The following PTPRD variants were observed in gnomAD, a reference collection of about 807,000 sequenced individuals.
The protein encoded by PTPRD is receptor-type tyrosine-protein phosphatase delta.
PTPRD carries 34 observed loss-of-function variants against 214.5 expected under a neutral mutation model. That is an observed-to-expected ratio of 0.16 (90% CI 0.12 to 0.21). PTPRD has a LOEUF of 0.21. PTPRD is among the 10% of genes least tolerant of loss of function. The pLI is 1.00. For missense variants in PTPRD, 2,545 were observed against 2,398.7 expected (o/e 1.06, Z -1.27); for synonymous variants, 1,128 against 845.7 (o/e 1.33, Z -5.79).
intron 7 of PTPRD, among the ~76,000 whole-genome samples, chr9:9,707,784 T>C (rs374372470): frequency 1.3e-5 from 2 of 152,122 alleles, no homozygotes; most frequent in African/African-American, 4.8e-5. Flanking sequence ...CACTATTCTA[T>C]TGGCCTGCAT....
intron 7 of PTPRD, among the ~76,000 whole-genome samples, chr9:9,733,440 T>C (rs1019057053): frequency 6.6e-6 from 1 of 152,208 alleles, no homozygotes; most frequent in Admixed American, 6.5e-5. Flanking sequence ...TTGTTCAACA[T>C]GACAGTTTAC....
At chr9:8,995,982 C>T (rs1028884034) in intron 11 of PTPRD, among the ~76,000 whole-genome samples, 12 of 152,122 alleles carry the variant, frequency 7.9e-5, no homozygotes, top group African/African-American at 2.9e-4. Flanking sequence ...AATGGAATGA[C>T]TGAACCATAA....
At chr9:10,208,349 C>G (rs1256739087) in intron 3 of PTPRD, among the ~76,000 whole-genome samples, 1 of 152,078 alleles carries the variant, frequency 6.6e-6, no homozygotes, top group Non-Finnish European at 1.5e-5. Flanking sequence ...CCCGTCTCTA[C>G]TAAAAATACA....
At chr9:9,031,835 T>C (rs2099606476) in intron 10 of PTPRD, among the ~76,000 whole-genome samples, 1 of 152,022 alleles carries the variant, frequency 6.6e-6, no homozygotes, top group South Asian at 2.1e-4. Context: ...CACGGCTTCC[T>C]GGACGTGCTG....
At chr9:10,002,505 A>C (rs2096350522) in intron 4 of PTPRD, among the ~76,000 whole-genome samples, 1 of 151,156 alleles carries the variant, frequency 6.6e-6, no homozygotes, top group South Asian at 2.1e-4. Context: ...ACATGTCATG[A>C]AAACTGTTAC....
intron 11 of PTPRD, among the ~76,000 whole-genome samples, chr9:8,962,349 G>A (rs375982566): frequency 1.3e-5 from 2 of 152,114 alleles, no homozygotes; most frequent in Non-Finnish European, 2.9e-5. Context: ...ACATGATTCA[G>A]AGAGGCTAAT....
intron 5 of PTPRD, among the ~76,000 whole-genome samples, chr9:9,927,644 A>G (rs1046253448): frequency 1.3e-5 from 2 of 152,156 alleles, no homozygotes; most frequent in African/African-American, 4.8e-5. Flanking sequence ...TAGTATCTAA[A>G]TACACCGTGC....
chr9:10,329,480 G>T (rs577634408), intron 3 of PTPRD, among the ~76,000 whole-genome samples: 1 of 151,826 alleles, frequency 6.6e-6, no homozygotes, highest in Non-Finnish European at 1.5e-5. Flanking sequence ...GTAAAATCAT[G>T]AAGTCTGTTC....
At chr9:8,647,131 A>G (rs1391478517) in intron 12 of PTPRD, among the ~76,000 whole-genome samples, 1 of 152,224 alleles carries the variant, frequency 6.6e-6, no homozygotes. Context: ...GTATCATCAT[A>G]GGACTGAAGT....
intron 12 of PTPRD, among the ~76,000 whole-genome samples, chr9:8,697,443 G>C (rs1322624050): frequency 2.9e-5 from 2 of 70,032 alleles, no homozygotes; most frequent in African/African-American, 6.4e-5. Context: ...TTTTTTTTGA[G>C]ACAGAATTTT....
chr9:8,574,902 G>A (rs1392308490), intron 14 of PTPRD, among the ~76,000 whole-genome samples: 1 of 151,998 alleles, frequency 6.6e-6, no homozygotes, highest in Non-Finnish European at 1.5e-5. Context: ...GGAAGAATAT[G>A]CATGCCCAAG....
chr9:9,257,457 A>T (rs1011311030), intron 9 of PTPRD, among the ~76,000 whole-genome samples: 8 of 151,926 alleles, frequency 5.3e-5, no homozygotes, highest in Non-Finnish European at 8.8e-5. Context: ...AGAAATTTAA[A>T]AACAGAAAGC....
intron 8 of PTPRD, among the ~76,000 whole-genome samples, chr9:9,505,904 C>A (rs2096559457): frequency 6.6e-6 from 1 of 151,288 alleles, no homozygotes; most frequent in Non-Finnish European, 1.5e-5. Context: ...GGACAATCAC[C>A]AATAAACATC....
At chr9:8,358,349 G>A (rs2077491209) in intron 39 of PTPRD, among the ~76,000 whole-genome samples, 1 of 152,002 alleles carries the variant, frequency 6.6e-6, no homozygotes, top group Non-Finnish European at 1.5e-5. Flanking sequence ...TCCTGACTGA[G>A]TTGATGATAC....
At chr9:8,421,355 C>CTCTCTTCTCT (rs370049246) in intron 35 of PTPRD, among the ~76,000 whole-genome samples, 4 of 149,220 alleles carry the variant, frequency 2.7e-5, no homozygotes, top group South Asian at 2.1e-4. Context: ...CTTTCTTCTT[C>CTCTCTTCTCT]TCTCTTCTCT....
At chr9:8,787,010 CT>C (rs1297632566) in intron 11 of PTPRD, among the ~76,000 whole-genome samples, 2 of 151,836 alleles carry the variant, frequency 1.3e-5, no homozygotes, top group South Asian at 2.1e-4. Flanking sequence ...CTAATATTTT[CT>C]TTTTTTTGTA....
intron 8 of PTPRD, among the ~76,000 whole-genome samples, chr9:9,404,018 G>C (rs1048797781): frequency 6.6e-6 from 1 of 152,050 alleles, no homozygotes; most frequent in African/African-American, 2.4e-5. Context: ...TAAAGGAACA[G>C]TTAGTACACA....
intron 5 of PTPRD, among the ~76,000 whole-genome samples, chr9:9,792,711 A>C (rs957607670): frequency 6.6e-6 from 1 of 152,170 alleles, no homozygotes; most frequent in Non-Finnish European, 1.5e-5. Context: ...AGCTCATTGA[A>C]AATCAGAATG....
chr9:9,378,246 C>T (rs771697083), intron 9 of PTPRD, among the ~76,000 whole-genome samples: 1 of 152,114 alleles, frequency 6.6e-6, no homozygotes, highest in African/African-American at 2.4e-5. Context: ...ATAATTTTGG[C>T]TTTTCCAGAA....
Sources: allele counts gnomAD v4.1 joint callset (sites outside exome capture counted in the v4.1 genomes callset), GRCh38; gene constraint gnomAD v4.1.1; transcripts MANE v1.5; gene names NCBI Gene and HGNC (gene_info 2026-07-23, HGNC 2026-07-21).